Variants in HGF observed in about 807,000 individuals in gnomAD.
HGF encodes fibroblast-derived tumor cytotoxic factor.
A neutral mutation model predicts 111.6 loss-of-function variants in HGF; 39 were observed. That is an observed-to-expected ratio of 0.35 (90% confidence interval 0.27 to 0.46). The LOEUF is 0.46. Ranked by LOEUF, HGF falls within the 20% of genes least tolerant of loss-of-function variation. The pLI is 1.00. For missense variants in HGF, 735 were observed against 910.5 expected, an observed-to-expected ratio of 0.81 and a Z score of 2.48; for synonymous variants, 285 against 294.8, an observed-to-expected ratio of 0.97 and a Z score of 0.34.
At chr7:81,714,175 T>C (rs765508836) in intron 11 of HGF, among the ~76,000 whole-genome samples, 2 of 152,182 alleles carry the variant, frequency 1.3e-5, no homozygotes, top group Non-Finnish European at 1.5e-5. Context: ...TCTCATTTTA[T>C]ATATTGTTAA....
chr7:81,736,340 C>A (rs1787824665), intron 7 of HGF, among the ~76,000 whole-genome samples: 1 of 152,066 alleles, frequency 6.6e-6, no homozygotes, highest in South Asian at 2.1e-4. Context: ...CATTTAGTCA[C>A]TTAGTAGCCT....
chr7:81,706,631 C>T (rs1456144925), intron 14 of HGF, among the ~76,000 whole-genome samples: 1 of 151,938 alleles, frequency 6.6e-6, no homozygotes, highest in East Asian at 1.9e-4. Context: ...CTTTAAATTG[C>T]TGAGATTCTA....
intron 5 of HGF, among the ~76,000 whole-genome samples, chr7:81,748,142 T>A (rs1788351223): frequency 6.6e-6 from 1 of 152,114 alleles, no homozygotes; most frequent in Non-Finnish European, 1.5e-5. Context: ...TGCCTTTTTG[T>A]TTTATATATT....
chr7:81,711,454 T>C (rs1789568071), intron 12 of HGF, 27 bp downstream of exon 12: 2 of 1,343,638 alleles, frequency 1.5e-6, no homozygotes, highest in Non-Finnish European at 2.1e-6. Flanking sequence ...ACTCAGAATA[T>C]ACTTTATATT....
At chr7:81,738,939 G>A (rs911683412) in intron 7 of HGF, among the ~76,000 whole-genome samples, 4 of 152,094 alleles carry the variant, frequency 2.6e-5, no homozygotes, top group Admixed American at 2.6e-4. Context: ...ATGCTGGGTG[G>A]AATTGCTGAT....
chr7:81,754,477 T>G (rs1788663815), intron 4 of HGF, among the ~76,000 whole-genome samples: 1 of 151,870 alleles, frequency 6.6e-6, no homozygotes, highest in Admixed American at 6.6e-5. Flanking sequence ...CAACAATTTA[T>G]TAGGACAAAT....
chr7:81,754,960 G>A (rs1438967572), intron 4 of HGF, among the ~76,000 whole-genome samples: 1 of 152,100 alleles, frequency 6.6e-6, no homozygotes, highest in East Asian at 1.9e-4. Flanking sequence ...GGCTTTAAGA[G>A]AGACAAGTGA....
At chr7:81,762,984 T>A (rs1409700812) in intron 1 of HGF, 112 bp from the exon 2 acceptor site, 3 of 685,226 alleles carry the variant, frequency 4.4e-6, no homozygotes, top group Admixed American at 5.0e-5. Context: ...TACTTGACAA[T>A]ATACTAGATT....
intron 15 of HGF, among the ~76,000 whole-genome samples, 171 bp downstream of exon 15, chr7:81,706,116 T>C (rs1288580442): frequency 6.6e-6 from 1 of 151,960 alleles, no homozygotes; most frequent in African/African-American, 2.4e-5. Context: ...TACCTTTCTC[T>C]CTATACTCAC....
chr7:81,717,755 G>A (rs1036398810), intron 10 of HGF, among the ~76,000 whole-genome samples: 5 of 151,980 alleles, frequency 3.3e-5, no homozygotes, highest in African/African-American at 1.2e-4. Flanking sequence ...TATTATACAA[G>A]TATTTTTTTA....
intron 1 of HGF, among the ~76,000 whole-genome samples, chr7:81,763,631 C>T (rs1259840862): frequency 6.6e-6 from 1 of 152,148 alleles, no homozygotes; most frequent in East Asian, 1.9e-4. Context: ...AAGACCTAAT[C>T]TTATGGATAA....
chr7:81,724,361 G>A (rs1440236032), intron 9 of HGF, among the ~76,000 whole-genome samples: 1 of 152,120 alleles, frequency 6.6e-6, no homozygotes, highest in African/African-American at 2.4e-5. Flanking sequence ...AGTATGCCTA[G>A]GGCAGTAGGT....
chr7:81,720,198 TG>T (rs1312828537), intron 10 of HGF, among the ~76,000 whole-genome samples: 1 of 152,212 alleles, frequency 6.6e-6, no homozygotes, highest in African/African-American at 2.4e-5. Context: ...CTGTAATTAC[TG>T]GAAAATTTTA....
intron 1 of HGF, among the ~76,000 whole-genome samples, chr7:81,767,623 A>G (rs1338881322): frequency 6.6e-6 from 1 of 152,188 alleles, no homozygotes; most frequent in Non-Finnish European, 1.5e-5. Flanking sequence ...GGGTAATTCT[A>G]TATAGGCTAA....
chr7:81,745,480 T>C (rs1788202565), intron 5 of HGF, among the ~76,000 whole-genome samples: 1 of 152,208 alleles, frequency 6.6e-6, no homozygotes, highest in African/African-American at 2.4e-5. Context: ...GATCTCAGTA[T>C]CTATTTGTCA....
chr7:81,733,887 C>T (rs997639039), intron 7 of HGF, among the ~76,000 whole-genome samples: 2 of 152,118 alleles, frequency 1.3e-5, no homozygotes, highest in African/African-American at 4.8e-5. Flanking sequence ...GTAAAACAAA[C>T]TCCTCCTGCA....
intron 11 of HGF, among the ~76,000 whole-genome samples, chr7:81,716,254 C>A (rs1789709854): frequency 6.6e-6 from 1 of 152,088 alleles, no homozygotes; most frequent in Non-Finnish European, 1.5e-5. Flanking sequence ...CTACAATGCA[C>A]AGAACAGCAT....
Position 81,758,788 on chromosome 7 carries a change from T to G in HGF, c.271A>C (p.Lys91Gln). The change falls in exon 3 of 18, where the codon AAA becomes CAA. Residue 91 changes from lysine (K) to glutamine (Q), a missense_variant. This residue lies in a region of HGF where 553 missense variants were observed against 685.6 expected (regional missense o/e 0.81). Coordinates refer to ENST00000222390, the MANE Select transcript of HGF (RefSeq NM_000601.6). ...PFTCKAFVFDKARKQCLWFPF... is the reference protein window; with the variant it reads ...PFTCKAFVFDQARKQCLWFPF... ...AACCAGAGGCATTGTTTTCTTGCTT[T>G]ATCAAAAACAAAAGCCCTGAAAAAA... 6.2e-7 allele frequency: 1 copy of G among 1,611,174 alleles called. No homozygotes were observed. Among genetic ancestry groups the G allele is most frequent in the African/African-American group, 1.3e-5 (1 of 74,944 alleles).
At chr7:81,721,994 T>C (rs1259895978) in intron 9 of HGF, among the ~76,000 whole-genome samples, 1 of 152,106 alleles carries the variant, frequency 6.6e-6, no homozygotes, top group African/African-American at 2.4e-5. Context: ...TCGTTAGCAT[T>C]CTTCTGTAAA....
Sources: allele counts gnomAD v4.1 joint callset (sites outside exome capture counted in the v4.1 genomes callset), GRCh38; gene constraint gnomAD v4.1.1; regional missense constraint gnomAD v4.1.1; transcripts MANE v1.5; gene names NCBI Gene and HGNC (gene_info 2026-07-23, HGNC 2026-07-21).